MRPS5: variants seen among roughly 807,000 people sequenced by gnomAD.
MRPS5 encodes small ribosomal subunit protein uS5m.
Under a neutral mutation model 51.9 loss-of-function variants are expected in MRPS5, and 27 were observed. The ratio of observed to expected loss-of-function variants is 0.52; its 90% confidence interval spans 0.38 to 0.72. The LOEUF (loss-of-function observed/expected upper bound fraction) is 0.72, where lower values mean the gene tolerates loss of function less well. Ranked by LOEUF, MRPS5 falls within the 30% of genes least tolerant of loss-of-function variation. The probability of loss-of-function intolerance (pLI) is 0.00; values close to 1 mark genes in which losing one functional copy is unlikely to be tolerated. For synonymous variants in MRPS5, 196 were observed against 193.2 expected (o/e 1.01, Z -0.12); for missense variants, 570 against 545.7 (o/e 1.04, Z -0.44).
chr2:95,102,828 G>T (rs1675842337), intron 7 of MRPS5, among the ~76,000 whole-genome samples: 2 of 152,208 alleles, frequency 1.3e-5, no homozygotes, highest in South Asian at 4.1e-4. Flanking sequence ...CAGTTTACCA[G>T]CAGTTACAGA....
At chr2:95,100,426 T>C in intron 10 of MRPS5, 48 bp downstream of exon 10, 1 of 1,394,638 alleles carries the variant, frequency 7.2e-7, no homozygotes, top group Non-Finnish European at 1.0e-6. Flanking sequence ...AGAACTGTTA[T>C]AATTTCTCTG....
At chr2:95,099,971 C>G (rs1675747755) in intron 10 of MRPS5, among the ~76,000 whole-genome samples, 1 of 152,194 alleles carries the variant, frequency 6.6e-6, no homozygotes, top group Non-Finnish European at 1.5e-5. Context: ...GACCACTAGG[C>G]ATGACTGCCC....
chr2:95,118,190 C>A (rs1380797382), intron 1 of MRPS5, among the ~76,000 whole-genome samples: 3 of 152,192 alleles, frequency 2.0e-5, no homozygotes, highest in African/African-American at 7.2e-5. Flanking sequence ...CCAGCTGTAC[C>A]TTTTCCTGTG....
chr2:95,096,801 C>T (rs1312763531), intron 10 of MRPS5, among the ~76,000 whole-genome samples: 4 of 152,314 alleles, frequency 2.6e-5, no homozygotes, highest in South Asian at 2.1e-4. Flanking sequence ...CCCTCTCTCA[C>T]CACTCCTATT....
At chr2:95,114,285 T>C (rs924095341) in intron 3 of MRPS5, among the ~76,000 whole-genome samples, 12 of 150,642 alleles carry the variant, frequency 8.0e-5, no homozygotes, top group Non-Finnish European at 1.3e-4. Context: ...GGAGATGGAG[T>C]CTCGCTCTGT....
chr2:95,096,426 G>A (rs896420139), intron 10 of MRPS5, among the ~76,000 whole-genome samples: 1 of 152,132 alleles, frequency 6.6e-6, no homozygotes, highest in African/African-American at 2.4e-5. Flanking sequence ...GAATATCGAT[G>A]CAAAAATCCT....
At chr2:95,104,399 A>G (rs774804540) in intron 7 of MRPS5, 73 of 529,066 alleles carry the variant, frequency 1.4e-4, no homozygotes, top group Non-Finnish European at 2.2e-4. Context: ...TAATGTCTTC[A>G]GCCTTTTATA....
At chr2:95,112,369 T>C (rs1676146223) in intron 3 of MRPS5, among the ~76,000 whole-genome samples, 1 of 152,074 alleles carries the variant, frequency 6.6e-6, no homozygotes, top group African/African-American at 2.4e-5. Flanking sequence ...CCCGGCCTCA[T>C]GTTATATATA....
At chr2:95,109,341 G>A (rs2104419241) in intron 4 of MRPS5, among the ~76,000 whole-genome samples, 1 of 152,330 alleles carries the variant, frequency 6.6e-6, no homozygotes, top group East Asian at 1.9e-4. Flanking sequence ...AAGACGGGCT[G>A]ATTGAAGTAC....
intron 2 of MRPS5, among the ~76,000 whole-genome samples, chr2:95,117,046 C>T (rs1040379354): frequency 6.6e-6 from 1 of 151,738 alleles, no homozygotes; most frequent in Non-Finnish European, 1.5e-5. Context: ...GAGGCTGAGG[C>T]AGGAGAATCG....
intron 10 of MRPS5, chr2:95,092,259 C>A (rs1485677087): frequency 6.6e-6 from 1 of 152,224 alleles, no homozygotes; most frequent in Non-Finnish European, 1.5e-5. Context: ...GTGTGTGGAA[C>A]TGAATACTGT....
At chr2:95,117,777 C>A in intron 2 of MRPS5, 88 bp downstream of exon 2, 1 of 1,057,622 alleles carries the variant, frequency 9.5e-7, no homozygotes, top group Non-Finnish European at 1.4e-6. Context: ...AAGAAAAAAG[C>A]AGGTGATTAC....
intron 6 of MRPS5, among the ~76,000 whole-genome samples, chr2:95,105,818 C>G (rs953931928): frequency 1.3e-5 from 2 of 152,222 alleles, no homozygotes; most frequent in African/African-American, 4.8e-5. Context: ...GGAAACAATA[C>G]ATACATTCAG....
Position 95,117,927 on chromosome 2 carries a change from T to G in MRPS5, c.77A>C (p.Gln26Pro), listed in dbSNP as rs772945710. ...TGCTGGTAAGGTGTTTAGGGAACAC[T>G]GCCTCCCCAATAAATGACCTGCAAA... is the stretch of plus-strand genomic sequence containing the variant. ...SGTAGHLLGR[Q>P]CSLNTLPAAS... The change falls in exon 2 of 12, where the codon CAG becomes CCG. Residue 26 changes from glutamine to proline, a missense_variant. Gln to Pro is a moderately conservative substitution (Grantham distance 76, BLOSUM62 -1). Transcript: ENST00000272418. 6.2e-6 allele frequency: 10 copies of G among 1,602,856 alleles called. No homozygotes were observed. The East Asian group carries it at 2.0e-4, about 32-fold the overall frequency.
At chr2:95,090,046 G>A (rs1304363124) in intron 11 of MRPS5, among the ~76,000 whole-genome samples, 7 of 150,420 alleles carry the variant, frequency 4.7e-5, no homozygotes, top group East Asian at 2.0e-4. Context: ...GCGTAGTGGC[G>A]GGCGCCTGTA....
intron 11 of MRPS5, among the ~76,000 whole-genome samples, chr2:95,088,998 C>T (rs190870208): frequency 1.4e-3 from 214 of 152,196 alleles, no homozygotes; most frequent in Non-Finnish European, 2.5e-3. Flanking sequence ...ACCCGTGAGG[C>T]GGAGGTTGCA....
chr2:95,108,056 G>A, intron 5 of MRPS5, 119 bp downstream of exon 5: 2 of 798,802 alleles, frequency 2.5e-6, no homozygotes, highest in Admixed American at 2.4e-5. Context: ...TTTCAAAGAT[G>A]TTCAAATCTT....
intron 3 of MRPS5, among the ~76,000 whole-genome samples, chr2:95,110,781 T>G (rs1378608385): frequency 2.0e-5 from 3 of 152,140 alleles, no homozygotes; most frequent in Non-Finnish European, 4.4e-5. Context: ...GGGGACAGAG[T>G]GAGACCCTGC....
chr2:95,118,874 A>G (rs1676363473), intron 1 of MRPS5, among the ~76,000 whole-genome samples: 2 of 152,226 alleles, frequency 1.3e-5, no homozygotes, highest in Non-Finnish European at 2.9e-5. Flanking sequence ...ACTTATAGGT[A>G]AGAGCTAAAA....
Sources: gnomAD v4.1 joint callset for allele counts (sites outside exome capture counted in the v4.1 genomes callset) on GRCh38, gnomAD v4.1.1 for gene constraint, MANE v1.5 for transcripts, NCBI Gene and HGNC (gene_info 2026-07-23, HGNC 2026-07-21) for gene names.